Variants in FLYWCH1 observed in about 807,000 individuals in gnomAD.
The protein encoded by FLYWCH1 is FLYWCH-type zinc finger 1, also known as FLYWCH-type zinc finger-containing protein 1.
FLYWCH1 carries 75 observed loss-of-function variants against 66.4 expected under a neutral mutation model. The ratio of observed to expected loss-of-function variants is 1.13; its 90% CI spans 0.94 to 1.37. The LOEUF (loss-of-function observed/expected upper bound fraction) is 1.37. Ranked by LOEUF, FLYWCH1 falls within the 40% of genes most tolerant of loss-of-function variation. The pLI is 0.00. For synonymous variants in FLYWCH1, 595 were observed against 429.9 expected (o/e 1.38, Z -4.75); for missense variants, 1,334 against 1,001.8 (o/e 1.33, Z -4.48).
Position 2,938,443 on chromosome 16 carries a change from GCAGGAGGACC to G in FLYWCH1, c.2042_2050+1del, listed in dbSNP as rs760104053. 6.6e-7 allele frequency: 1 copy of G among 1,524,624 alleles called. No individual in the cohort carries two copies. The highest frequency in any genetic ancestry group is 8.8e-7 in the Non-Finnish European group (1 of 1,137,526). The allele number at this position is 1,524,624 out of a possible 1,614,324, so 94.4% of individuals were successfully genotyped here. On this transcript the variant is annotated frameshift_variant, in exon 8 of 10. Transcript: ENST00000253928. LOFTEE classifies it high-confidence loss of function. Reference sequence around the variant, plus strand: ...GGGAGCGGCTCCCCACCACGGCCCAGCAGGAGGACCCAGGTACAGGCAGGCTGTGGGGCAG... The same window carrying G: ...GGGAGCGGCTCCCCACCACGGCCCAGCAGGTACAGGCAGGCTGTGGGGCAG...
At chr16:2,931,959 C>T (rs533906178) in intron 4 of FLYWCH1, among the ~76,000 whole-genome samples, 1 of 151,850 alleles carries the variant, frequency 6.6e-6, no homozygotes, top group South Asian at 2.1e-4. Context: ...TAAAAAAATA[C>T]AAAAAAAGAT....
chr16:2,944,829 A>C (rs903549493), intron 9 of FLYWCH1, among the ~76,000 whole-genome samples: 1 of 141,560 alleles, frequency 7.1e-6, no homozygotes, highest in East Asian at 2.0e-4. Flanking sequence ...ATCAAAAAAA[A>C]AAAAAAATTT....
chr16:2,923,032 G>A lies in FLYWCH1; in HGVS notation c.-73-6581G>A, dbSNP rs539009270. On this transcript the variant is annotated intron_variant, in intron 2 of 9. Coordinates refer to ENST00000253928, the MANE Select transcript of FLYWCH1 (RefSeq NM_001308068.2). ...TCTTTTTTTGGGGGGGCTGTTGTGTGGATCTTTTTTTGTGTGTGTGTGGCT... is the reference window on the plus strand; with the variant it reads ...TCTTTTTTTGGGGGGGCTGTTGTGTAGATCTTTTTTTGTGTGTGTGTGGCT... 7.8e-4 allele frequency: 346 copies of A among 443,974 alleles called. 2 individuals are homozygous for A. The highest frequency in any genetic ancestry group is 6.4e-3 in the African/African-American group (310 of 48,634). 27.5% of individuals were successfully genotyped at this position (443,974 alleles called of 1,614,324 possible).
At position 2,929,713 on chromosome 16, in the gene FLYWCH1, G is replaced by T; in HGVS notation, c.28G>T (p.Glu10Ter). The T allele has an allele frequency of 6.2e-7, 1 of 1,613,172 alleles. No individual in the cohort carries two copies. The highest frequency in any genetic ancestry group is 1.7e-4 in the Middle Eastern group (1 of 6,056). MPLPEPSEQ[E>*]GESVKAGQEP... ...GCCCCTGCCCGAGCCCAGCGAGCAGGAGGGCGAGAGTGTGAAGGCCGGCCA... is the reference window on the plus strand; with the variant it reads ...GCCCCTGCCCGAGCCCAGCGAGCAGTAGGGCGAGAGTGTGAAGGCCGGCCA... The change falls in exon 3 of 10, where the codon GAG becomes TAG. Residue 10 changes from glutamate to a stop codon, truncating the protein, a stop_gained. Transcript: ENST00000253928. LOFTEE classifies it high-confidence loss of function.
rs779973367 is a variant in FLYWCH1, at chr16:2,938,398, C to T, written c.1992C>T (p.Gly664=). 5 of 1,552,132 alleles carry T rather than the reference C, an allele frequency of 3.2e-6. No individual in the cohort carries two copies. In the African/African-American group the frequency reaches 6.9e-5, roughly 21 times the overall value. Residue 664 remains glycine (G), a synonymous_variant, in exon 8 of 10, where the codon GGC becomes GGT. Transcript: ENST00000253928. Reference sequence around the variant, plus strand: ...ACTGCCATCAGCCTGACCTGGCAGGCCTGGAGGCCTTGAGGCAACGGGAGC... The same window carrying T: ...ACTGCCATCAGCCTGACCTGGCAGGTCTGGAGGCCTTGAGGCAACGGGAGC... The part of the protein sequence containing the change: ...RSHCHQPDLA[G]LEALRQRERL...
chr16:2,938,603 CTTTGTTTTTT>C (rs1200798271), intron 8 of FLYWCH1, 147 bp downstream of exon 8: 68 of 376,256 alleles, frequency 1.8e-4, no homozygotes, highest in African/African-American at 1.5e-3. Flanking sequence ...TGAAACCAGT[CTTTGTTTTTT>C]TTTTTTTTTT....
intron 9 of FLYWCH1, among the ~76,000 whole-genome samples, chr16:2,943,845 G>T (rs999739533): frequency 2.0e-5 from 3 of 152,156 alleles, no homozygotes; most frequent in Non-Finnish European, 4.4e-5. Context: ...GCTGAGGCAG[G>T]AGAATCACTT....
intron 2 of FLYWCH1, among the ~76,000 whole-genome samples, chr16:2,915,759 T>C (rs576487340): frequency 6.7e-6 from 1 of 148,936 alleles, no homozygotes; most frequent in African/African-American, 2.5e-5. Flanking sequence ...ATCTAGCCAC[T>C]GCTCCCCAGC....
At chr16:2,923,209 C>A (rs2070439996) in intron 2 of FLYWCH1, 2 of 329,096 alleles carry the variant, frequency 6.1e-6, no homozygotes, top group South Asian at 2.9e-5. Context: ...CAGGAGCTCC[C>A]TTCTTCGCTT....
intron 6 of FLYWCH1, chr16:2,936,186 C>T (rs958263009): frequency 4.2e-5 from 14 of 332,182 alleles, no homozygotes; most frequent in Middle Eastern, 2.2e-3. Flanking sequence ...GCTGGGATTA[C>T]AGGCGTGAGC....
intron 7 of FLYWCH1, 119 bp from the exon 8 acceptor site, chr16:2,938,065 G>A (rs1596388642): frequency 1.0e-6 from 1 of 974,052 alleles, no homozygotes; most frequent in Non-Finnish European, 1.5e-6. Context: ...GGACCACCGT[G>A]CAGCGTGCTA....
At chr16:2,939,410 C>T (rs562784523) in intron 8 of FLYWCH1, among the ~76,000 whole-genome samples, 27 of 150,568 alleles carry the variant, frequency 1.8e-4, no homozygotes, top group South Asian at 6.3e-4. Flanking sequence ...GAGCCAAGAT[C>T]GCGCCACTGC....
At position 2,938,175 on chromosome 16, in the gene FLYWCH1, C is replaced by G; in HGVS notation, c.1778-9C>G. The G allele has an allele frequency of 1.9e-6, 3 of 1,610,240 alleles. No individual in the cohort carries two copies. The highest frequency in any genetic ancestry group is 1.3e-5 in the African/African-American group (1 of 74,976). On this transcript the variant is annotated splice_polypyrimidine_tract_variant and intron_variant, in intron 7 of 9. Coordinates refer to ENST00000253928, the MANE Select transcript of FLYWCH1 (RefSeq NM_001308068.2). ...GTGGCCCCACTCACAGTGTCACTTT[C>G]CCTTTCAGATCCTCTCCGGCCCCTG...
rs568949372 is a variant in FLYWCH1 at position 2,937,491 on chromosome 16, C to T, written c.1777+107C>T. 49 of 1,309,918 alleles carry T rather than the reference C, an allele frequency of 3.7e-5. No individual in the cohort carries two copies. In the African/African-American group the frequency reaches 4.6e-4, roughly 12 times the overall value. The allele number at this position is 1,309,918 out of a possible 1,614,324, so 81.1% of individuals were successfully genotyped here. On this transcript the variant is annotated intron_variant, in intron 7 of 9. Coordinates refer to ENST00000253928, the MANE Select transcript of FLYWCH1 (RefSeq NM_001308068.2). ...GGTGTTGTGTGTTGTGCATGGTGGT[C>T]TGACAGCCGGGGCCATAAACTCCCC...
At chr16:2,922,053 A>T (rs1361470782) in intron 2 of FLYWCH1, among the ~76,000 whole-genome samples, 1 of 152,230 alleles carries the variant, frequency 6.6e-6, no homozygotes, top group Non-Finnish European at 1.5e-5. Flanking sequence ...ACTGGGTGAC[A>T]GAGTTAAAAA....
chr16:2,924,739 G>A (rs921235902), intron 2 of FLYWCH1, among the ~76,000 whole-genome samples: 3 of 152,222 alleles, frequency 2.0e-5, no homozygotes, highest in Non-Finnish European at 4.4e-5. Context: ...TTTAACGGGC[G>A]GAGTGGCGGT....
chr16:2,930,781 G>A lies in FLYWCH1; in HGVS notation c.697G>A (p.Gly233Arg). 6.3e-7 allele frequency: 1 copy of A among 1,590,186 alleles called. No individual in the cohort carries two copies. Among genetic ancestry groups the A allele is most frequent in the Non-Finnish European group, 8.5e-7 (1 of 1,173,084 alleles). ...QCPEEPEPTP[G>R]LVLSKPALEE... ...CCCTGAGGAGCCCGAGCCCACTCCT[G>A]GGCTGGTGCTGAGCAAGCCGGCCCT... The change falls in exon 4 of 10, where the codon GGG (glycine) becomes AGG (arginine). Residue 233 changes from glycine to arginine, a missense_variant. Coordinates refer to ENST00000253928, the MANE Select transcript of FLYWCH1 (RefSeq NM_001308068.2).
At chr16:2,914,445 G>T (rs1055814233) in intron 2 of FLYWCH1, among the ~76,000 whole-genome samples, 156 bp downstream of exon 2, 1 of 152,228 alleles carries the variant, frequency 6.6e-6, no homozygotes, top group Non-Finnish European at 1.5e-5. Context: ...CAGCAGGACC[G>T]CAGCGTCCCA....
In FLYWCH1 at chr16:2,930,718, G is replaced by C. The variant is rs1330684648; in HGVS notation, c.634G>C (p.Val212Leu). Reference protein sequence around the residue: ...PQGPEGPGGRVEEPLEGVGPW... With the variant: ...PQGPEGPGGRLEEPLEGVGPW... ...GGGTCCTGAGGGCCCTGGAGGCCGAGTGGAGGAGCCCCTGGAGGGGGTGGG... is the reference window on the plus strand; with the variant it reads ...GGGTCCTGAGGGCCCTGGAGGCCGACTGGAGGAGCCCCTGGAGGGGGTGGG... The change falls in exon 4 of 10, where the codon GTG becomes CTG. Residue 212 changes from valine (V) to leucine (L), a missense_variant. Val to Leu is a conservative substitution (Grantham distance 32). Coordinates refer to ENST00000253928, the MANE Select transcript of FLYWCH1 (RefSeq NM_001308068.2). The C allele has an allele frequency of 4.8e-5, 74 of 1,547,496 alleles. No individual in the cohort carries two copies. Among genetic ancestry groups the C allele is most frequent in the Non-Finnish European group, 5.6e-5 (64 of 1,150,160 alleles).
Sources: gnomAD v4.1 joint callset for allele counts (sites outside exome capture counted in the v4.1 genomes callset) on GRCh38, gnomAD v4.1.1 for gene constraint, MANE v1.5 for transcripts, NCBI Gene and HGNC (gene_info 2026-07-23, HGNC 2026-07-21) for gene names.